Variants in TAF15 observed in about 807,000 individuals in gnomAD.
TAF15 encodes the protein TATA-binding protein-associated factor 2N.
Under a neutral mutation model 102.5 loss-of-function variants are expected in TAF15, and 37 were observed. That is an observed-to-expected ratio of 0.36 (90% confidence interval 0.28 to 0.47). TAF15 has a LOEUF of 0.47. TAF15 is among the 20% of genes least tolerant of loss of function. The pLI is 0.99. For synonymous variants in TAF15, 273 were observed against 259.2 expected (o/e 1.05, Z -0.51); for missense variants, 652 against 760.7 (o/e 0.86, Z 1.68).
At position 35,842,530 on chromosome 17, in the gene TAF15, A is replaced by G. The variant is rs1476695092; in HGVS notation, c.1006+71A>G. ...AAGTTTGAGTTCATACTCTGTTTCTATTTGTGTGAACTTGCTACTGCTTTT... is the reference window on the plus strand; with the variant it reads ...AAGTTTGAGTTCATACTCTGTTTCTGTTTGTGTGAACTTGCTACTGCTTTT... On this transcript the variant is annotated intron_variant, in intron 12 of 15. Coordinates refer to ENST00000605844, the MANE Select transcript of TAF15 (RefSeq NM_139215.3). The G allele has an allele frequency of 2.3e-5, 29 of 1,240,146 alleles. 1 individual carries two copies. The Admixed American group carries it at 2.8e-4, about 12-fold the overall frequency. The allele number at this position is 1,240,146 out of a possible 1,614,324, so 76.8% of individuals were successfully genotyped here.
Position 35,824,176 on chromosome 17 carries a change from A to G in TAF15, c.583A>G (p.Arg195Gly). Reference sequence around the variant, plus strand: ...GCGTGGGGGATATGACAAGGATGGAAGAGGTCCTATGACAGGATCAAGGTA... The same window carrying G: ...GCGTGGGGGATATGACAAGGATGGAGGAGGTCCTATGACAGGATCAAGGTA... The part of the protein sequence containing the change: ...RGRGGYDKDG[R>G]GPMTGSSGGD... The change falls in exon 7 of 16, where the codon AGA (arginine) becomes GGA (glycine). Residue 195 changes from arginine (R) to glycine (G), a missense_variant. Around this residue, in one of 3 missense-constraint regions of TAF15, gnomAD observed 243 missense variants for 284.1 expected, o/e 0.86. Transcript: ENST00000605844. 6.2e-7 allele frequency: 1 copy of G among 1,613,390 alleles called. No homozygotes were observed. Among genetic ancestry groups the G allele is most frequent in the South Asian group, 1.1e-5 (1 of 91,058 alleles).
At chr17:35,822,438 T>G (rs1325341412) in intron 5 of TAF15, among the ~76,000 whole-genome samples, 1 of 152,098 alleles carries the variant, frequency 6.6e-6, no homozygotes. Flanking sequence ...TTTTTCATAA[T>G]GTGGCACCTC....
chr17:35,817,885 C>T (rs768756115), intron 2 of TAF15, 130 bp downstream of exon 2: 4 of 809,996 alleles, frequency 4.9e-6, no homozygotes, highest in Non-Finnish European at 8.5e-6. Context: ...TGAAGAGAGT[C>T]AGTGTAAATA....
At position 35,846,904 on chromosome 17, in the gene TAF15, A is replaced by G. The variant is rs2087629769; in HGVS notation, c.1740-2A>G. On this transcript the variant is annotated splice_acceptor_variant, in intron 15 of 15. Transcript: ENST00000605844. LOFTEE classifies it high-confidence loss of function. ...GTCCGGCTCTTTATTTTTCATTCCT[A>G]GAAACGACTACAGAAATGATCAGCG... The G allele has an allele frequency of 1.2e-6, 2 of 1,614,080 alleles. No homozygotes were observed. The highest frequency in any genetic ancestry group is 1.7e-6 in the Non-Finnish European group (2 of 1,180,030).
Position 35,820,592 on chromosome 17 carries a change from ATG to A in TAF15, c.290+158_290+159del, listed in dbSNP as rs937315932. The stretch of plus-strand genomic sequence containing the variant: ...ATTTTACAACTGTATATTATGGAGA[ATG>A]TGGAAATAGCATTGTCATTTGATTC... On this transcript the variant is annotated intron_variant, in intron 5 of 15. Transcript: ENST00000605844. Among the ~76,000 whole-genome samples the A allele has an allele frequency of 4.6e-5, 7 of 152,058 alleles. No individual in the cohort carries two copies. The East Asian group carries it at 1.3e-3, about 29-fold the overall frequency.
chr17:35,830,592 A>G (rs888877049), intron 7 of TAF15, among the ~76,000 whole-genome samples: 1 of 152,184 alleles, frequency 6.6e-6, no homozygotes, highest in Non-Finnish European at 1.5e-5. Context: ...TAATAGTACT[A>G]CTTGAAGGTT....
chr17:35,821,116 C>T (rs566930772), intron 5 of TAF15, among the ~76,000 whole-genome samples: 2 of 152,228 alleles, frequency 1.3e-5, no homozygotes, highest in South Asian at 2.1e-4. Flanking sequence ...ATTATTTGGC[C>T]TATCAAGTGA....
Position 35,820,260 on chromosome 17 carries a change from T to C in TAF15, c.184+12T>C. 1 of 1,613,996 alleles carries C rather than the reference T, an allele frequency of 6.2e-7. No homozygotes were observed. The highest frequency in any genetic ancestry group is 2.2e-5 in the East Asian group (1 of 44,868). On this transcript the variant is annotated intron_variant, in intron 4 of 15. Transcript: ENST00000605844. The stretch of plus-strand genomic sequence containing the variant: ...ACAAAGTCAGTCAGGTTGGACTAGT[T>C]TGTTAAATTTGTTGTTTCAGAGATT...
intron 5 of TAF15, among the ~76,000 whole-genome samples, chr17:35,821,937 T>C (rs1429292860): frequency 6.6e-6 from 1 of 152,218 alleles, no homozygotes; most frequent in Non-Finnish European, 1.5e-5. Context: ...ACTTCAGTGA[T>C]ATAGAGCCTT....
chr17:35,847,011 C>G lies in TAF15; in HGVS notation c.*66C>G. 6.8e-7 allele frequency: 1 copy of G among 1,462,168 alleles called. No individual in the cohort carries two copies. The highest frequency in any genetic ancestry group is 2.8e-5 in the East Asian group (1 of 35,222). 90.6% of individuals were successfully genotyped at this position (1,462,168 alleles called of 1,614,324 possible). A position where few individuals can be genotyped will look rare whatever the true frequency, so the allele number is the denominator to read the frequency against. On this transcript the variant is annotated 3_prime_UTR_variant, in exon 16 of 16. Transcript: ENST00000605844. ...AGTGAAATTGCCAGAGTTTTGCCTG[C>G]TGCTTTCCTCGTGGCCTCTTCTTGG...
intron 7 of TAF15, among the ~76,000 whole-genome samples, chr17:35,826,724 AT>A (rs756619028): frequency 0.13 from 16,042 of 127,968 alleles, 1,071 homozygotes; most frequent in East Asian, 0.21. Context: ...CACCCGGCTA[AT>A]TTTTTTTTTT....
At chr17:35,830,757 A>C (rs1450535105) in intron 7 of TAF15, among the ~76,000 whole-genome samples, 2 of 152,188 alleles carry the variant, frequency 1.3e-5, no homozygotes, top group Non-Finnish European at 2.9e-5. Flanking sequence ...TTTAGACTTA[A>C]ATGTGCATAT....
chr17:35,833,792 G>A, intron 7 of TAF15, 115 bp from the exon 8 acceptor site: 1 of 964,314 alleles, frequency 1.0e-6, no homozygotes, highest in Non-Finnish European at 1.6e-6. Context: ...AAAACTTAGA[G>A]GTGCTACTGT....
At chr17:35,829,033 A>G (rs1050613347) in intron 7 of TAF15, among the ~76,000 whole-genome samples, 3 of 152,152 alleles carry the variant, frequency 2.0e-5, no homozygotes, top group Admixed American at 1.3e-4. Flanking sequence ...AGGAGGAAAT[A>G]AAATGTAAAT....
At chr17:35,837,615 C>G (rs888033428) in intron 10 of TAF15, among the ~76,000 whole-genome samples, 1 of 150,998 alleles carries the variant, frequency 6.6e-6, no homozygotes, top group Non-Finnish European at 1.5e-5. Context: ...ATCACAAGGT[C>G]AGGAGATCAA....
chr17:35,834,350 TC>T (rs2087444392), intron 8 of TAF15: 2 of 570,932 alleles, frequency 3.5e-6, no homozygotes, highest in Non-Finnish European at 6.1e-6. Flanking sequence ...GCAGGTGCTG[TC>T]TAGGACAAGT....
chr17:35,821,986 GT>G (rs2087264799), intron 5 of TAF15, among the ~76,000 whole-genome samples: 1 of 151,668 alleles, frequency 6.6e-6, no homozygotes, highest in Admixed American at 6.6e-5. Context: ...CTTGTGGCAT[GT>G]TTATTAAAGA....
intron 15 of TAF15, among the ~76,000 whole-genome samples, chr17:35,845,257 ATTAAAT>A (rs771893244): frequency 5.9e-5 from 9 of 152,254 alleles, no homozygotes; most frequent in Non-Finnish European, 1.2e-4. Context: ...GACAATAAAA[ATTAAAT>A]TTAGTGACAG....
At chr17:35,828,394 A>G (rs921495393) in intron 7 of TAF15, among the ~76,000 whole-genome samples, 8 of 152,220 alleles carry the variant, frequency 5.3e-5, no homozygotes, top group African/African-American at 1.2e-4. Flanking sequence ...GAGAAAATCT[A>G]TTTAACTCAA....
Sources: gnomAD v4.1 joint callset for allele counts (sites outside exome capture counted in the v4.1 genomes callset) on GRCh38, gnomAD v4.1.1 for gene constraint, gnomAD v4.1.1 regional missense constraint, MANE v1.5 for transcripts, NCBI Gene and HGNC (gene_info 2026-07-23, HGNC 2026-07-21) for gene names.